SCLT1: variants seen among roughly 807,000 people sequenced by gnomAD.
SCLT1 encodes the protein sodium channel-associated protein 1.
SCLT1 carries 78 observed loss-of-function variants against 112.8 expected under a neutral mutation model. The observed-to-expected ratio is 0.69, with a 90% confidence interval of 0.58 to 0.83. The LOEUF is 0.83. Ranked by LOEUF, SCLT1 falls within the 40% of genes least tolerant of loss-of-function variation. The pLI is 0.00. For synonymous variants in SCLT1, 257 were observed against 254.7 expected (o/e 1.01, Z -0.09); for missense variants, 747 against 770.4 (o/e 0.97, Z 0.36).
chr4:128,883,157 C>CAAAAAAA (rs34993678), downstream of SCLT1, among the ~76,000 whole-genome samples: 845 of 56,894 alleles, frequency 0.015, no homozygotes, highest in Non-Finnish European at 0.018. Flanking sequence ...ACAACAACAA[C>CAAAAAAA]AAAAAAAAAA....
intron 18 of SCLT1, among the ~76,000 whole-genome samples, chr4:128,928,346 TAA>T (rs1442504702): frequency 6.6e-6 from 1 of 152,054 alleles, no homozygotes; most frequent in Non-Finnish European, 1.5e-5. Flanking sequence ...TGAACATAGA[TAA>T]AAATATATTA....
At chr4:129,027,477 C>T (rs145207220) in intron 5 of SCLT1, among the ~76,000 whole-genome samples, 2,794 of 152,242 alleles carry the variant, frequency 0.018, 74 homozygotes, top group African/African-American at 0.056. Context: ...AATTCAACAA[C>T]GCTTCATGCC....
chr4:129,015,774 C>T (rs1049028751), intron 5 of SCLT1, among the ~76,000 whole-genome samples: 5 of 152,148 alleles, frequency 3.3e-5, no homozygotes, highest in Non-Finnish European at 7.4e-5. Context: ...CCCGGAGCCA[C>T]CAGAGACCAG....
At chr4:128,995,379 G>A (rs1298398723) in intron 8 of SCLT1, among the ~76,000 whole-genome samples, 2 of 152,144 alleles carry the variant, frequency 1.3e-5, no homozygotes, top group Non-Finnish European at 2.9e-5. Context: ...ACTGTGGTGA[G>A]CATCTTCATG....
At chr4:128,979,704 G>A (rs941861245) in intron 9 of SCLT1, among the ~76,000 whole-genome samples, 1 of 152,084 alleles carries the variant, frequency 6.6e-6, no homozygotes, top group Admixed American at 6.5e-5. Context: ...TTAAAGACAG[G>A]TGTACAAATG....
intron 2 of SCLT1, among the ~76,000 whole-genome samples, chr4:129,047,894 A>G (rs552851368): frequency 6.6e-6 from 1 of 152,234 alleles, no homozygotes; most frequent in East Asian, 1.9e-4. Flanking sequence ...ATCTCTTGTC[A>G]GATAAATAGT....
intron 8 of SCLT1, among the ~76,000 whole-genome samples, chr4:128,993,629 T>C (rs957942714): frequency 1.3e-5 from 2 of 152,088 alleles, no homozygotes; most frequent in African/African-American, 4.8e-5. Context: ...ATGTACTATA[T>C]TAATATTTTA....
At chr4:129,017,575 A>T (rs988409158) in intron 5 of SCLT1, among the ~76,000 whole-genome samples, 14 of 152,178 alleles carry the variant, frequency 9.2e-5, no homozygotes, top group Non-Finnish European at 1.6e-4. Flanking sequence ...TGAAAATTAA[A>T]TATCAACAAT....
chr4:129,023,770 G>A (rs1273034777), intron 5 of SCLT1, among the ~76,000 whole-genome samples: 1 of 152,216 alleles, frequency 6.6e-6, no homozygotes, highest in Non-Finnish European at 1.5e-5. Context: ...GGGTCAGGGA[G>A]TTCCCTTTCC....
At chr4:128,924,881 C>T (rs556687305) in intron 18 of SCLT1, among the ~76,000 whole-genome samples, 1 of 152,274 alleles carries the variant, frequency 6.6e-6, no homozygotes, top group South Asian at 2.1e-4. Context: ...GATATGATGT[C>T]ACTTTCAAGA....
At chr4:128,950,107 G>T (rs1038563804) in intron 14 of SCLT1, among the ~76,000 whole-genome samples, 2 of 151,994 alleles carry the variant, frequency 1.3e-5, no homozygotes, top group African/African-American at 4.8e-5. Flanking sequence ...TATACAAAAT[G>T]CAACATTAAT....
intron 2 of SCLT1, among the ~76,000 whole-genome samples, chr4:129,062,428 T>C (rs1210949939): frequency 6.6e-6 from 1 of 152,146 alleles, no homozygotes; most frequent in Non-Finnish European, 1.5e-5. Context: ...GTAAAAGTGA[T>C]TTATACACCA....
intron 9 of SCLT1, among the ~76,000 whole-genome samples, chr4:128,984,879 T>A (rs1000246536): frequency 6.6e-6 from 1 of 152,126 alleles, no homozygotes; most frequent in East Asian, 1.9e-4. Flanking sequence ...CATAAGTTCA[T>A]ACTAAAATGT....
intron 18 of SCLT1, among the ~76,000 whole-genome samples, chr4:128,912,745 T>TTG (rs1243970272): frequency 6.6e-6 from 1 of 151,968 alleles, no homozygotes; most frequent in Non-Finnish European, 1.5e-5. Flanking sequence ...TCCTTTTTCT[T>TTG]TGTATATATA....
chr4:129,076,223 C>T (rs1327883074), intron 2 of SCLT1, among the ~76,000 whole-genome samples: 1 of 152,110 alleles, frequency 6.6e-6, no homozygotes, highest in African/African-American at 2.4e-5. Context: ...ATAGTCCTGT[C>T]CCCAGAGCTT....
rs976332886 is a variant in SCLT1 at position 129,022,769 on chromosome 4, A to G, written c.290+16272T>C. On this transcript the variant is annotated intron_variant, in intron 5 of 20. Transcript: ENST00000281142. The stretch of plus-strand genomic sequence containing the variant: ...TTCCCCAACCTAGCAAGGCAGGCCA[A>G]CATTCAAATTCAGGAAATGCGGAGA... 3.3e-5 allele frequency among the ~76,000 whole-genome samples: 5 copies of G among 152,326 alleles called. No homozygotes were observed. In the East Asian group the frequency reaches 9.6e-4, roughly 29 times the overall value.
intron 1 of SCLT1, 59 bp from the exon 2 acceptor site, chr4:129,082,432 T>C (rs948763844): frequency 1.3e-5 from 14 of 1,041,020 alleles, no homozygotes; most frequent in Non-Finnish European, 1.7e-5. Context: ...TCTTTAAAAC[T>C]AGAAATACAG....
intron 5 of SCLT1, among the ~76,000 whole-genome samples, chr4:129,024,997 G>GA (rs1348684892): frequency 6.6e-6 from 1 of 152,042 alleles, no homozygotes; most frequent in Non-Finnish European, 1.5e-5. Context: ...GAAGTTTAGA[G>GA]AAAAAAGAAT....
intron 9 of SCLT1, among the ~76,000 whole-genome samples, chr4:128,977,412 T>A (rs1741273038): frequency 6.6e-6 from 1 of 152,044 alleles, no homozygotes; most frequent in Non-Finnish European, 1.5e-5. Context: ...TCAGCACTGG[T>A]GATGCAGTGG....
Sources: gnomAD v4.1 joint callset for allele counts (sites outside exome capture counted in the v4.1 genomes callset) on GRCh38, gnomAD v4.1.1 for gene constraint, MANE v1.5 for transcripts, NCBI Gene and HGNC (gene_info 2026-07-23, HGNC 2026-07-21) for gene names.